The following NOS1AP variants were observed in gnomAD, a reference collection of about 807,000 sequenced individuals.
The protein encoded by NOS1AP is nitric oxide synthase 1 adaptor protein, also known as carboxyl-terminal PDZ ligand of neuronal nitric oxide synthase protein.
NOS1AP carries 21 observed loss-of-function variants against 56.2 expected under a neutral mutation model. The observed-to-expected ratio is 0.37, with a 90% confidence interval of 0.26 to 0.54. The LOEUF is 0.54. Among genes scored for constraint, NOS1AP ranks in the 20% least tolerant of loss-of-function variants. The pLI, the probability that NOS1AP is intolerant of heterozygous loss-of-function variation, is 0.84. For synonymous variants in NOS1AP, 270 were observed against 274.6 expected (o/e 0.98, Z 0.17); for missense variants, 522 against 657.8 (o/e 0.79, Z 2.26).
chr1:162,081,572 G>A (rs1343840957), intron 1 of NOS1AP, among the ~76,000 whole-genome samples: 2 of 148,416 alleles, frequency 1.3e-5, no homozygotes, highest in Non-Finnish European at 3.0e-5. Flanking sequence ...TTTGAGATGG[G>A]ATTTTACTCT....
chr1:162,110,717 G>T (rs1292259031), intron 1 of NOS1AP, among the ~76,000 whole-genome samples: 1 of 152,122 alleles, frequency 6.6e-6, no homozygotes, highest in Non-Finnish European at 1.5e-5. Flanking sequence ...TGTGTGACAG[G>T]CATGTTTGGA....
chr1:162,081,771 TA>T (rs1401260497), intron 1 of NOS1AP, among the ~76,000 whole-genome samples: 6,609 of 51,474 alleles, frequency 0.13, 435 homozygotes, highest in Middle Eastern at 0.18. Context: ...TATATATATA[TA>T]TATTTTTTTT....
Position 162,073,650 on chromosome 1 carries a change from G to A in NOS1AP, c.105+3368G>A, listed in dbSNP as rs556620009. 4.6e-5 allele frequency among the ~76,000 whole-genome samples: 7 copies of A among 152,250 alleles called. No homozygotes were observed. The South Asian group carries it at 1.0e-3, about 23-fold the overall frequency. ...TAATTTTGTATTTTTTGTAGAGATG[G>A]GGCTTTCTCCGTTTTGGTCAGGCTG... On this transcript the variant is annotated intron_variant, in intron 1 of 9. Transcript: ENST00000361897.
intron 3 of NOS1AP, among the ~76,000 whole-genome samples, chr1:162,295,628 A>T (rs1478235870): frequency 6.6e-6 from 1 of 152,176 alleles, no homozygotes; most frequent in Non-Finnish European, 1.5e-5. Context: ...TGCAAAACAT[A>T]GGCAATAAGA....
chr1:162,176,781 C>G (rs1445029473), intron 2 of NOS1AP, among the ~76,000 whole-genome samples: 1 of 152,130 alleles, frequency 6.6e-6, no homozygotes, highest in Non-Finnish European at 1.5e-5. Context: ...CAGGTGTGAT[C>G]CACTGCGCCC....
intron 2 of NOS1AP, among the ~76,000 whole-genome samples, chr1:162,200,500 G>A (rs1651958990): frequency 6.6e-6 from 1 of 152,176 alleles, no homozygotes; most frequent in Non-Finnish European, 1.5e-5. Flanking sequence ...TGTATATTTT[G>A]TGAGACCCTG....
chr1:162,314,593 A>G (rs1207011579), intron 4 of NOS1AP, among the ~76,000 whole-genome samples: 2 of 152,280 alleles, frequency 1.3e-5, no homozygotes, highest in African/African-American at 4.8e-5. Flanking sequence ...AATAAAACAA[A>G]CACTTCTTTC....
intron 1 of NOS1AP, among the ~76,000 whole-genome samples, chr1:162,094,036 G>C (rs547572518): frequency 6.6e-6 from 1 of 152,180 alleles, no homozygotes; most frequent in Non-Finnish European, 1.5e-5. Context: ...CTCAATAGGC[G>C]TAAGTGCTTG....
chr1:162,330,700 C>T (rs1306602037), intron 4 of NOS1AP, among the ~76,000 whole-genome samples: 1 of 152,146 alleles, frequency 6.6e-6, no homozygotes, highest in East Asian at 1.9e-4. Context: ...TTAAAAATAA[C>T]ACTTTGCTGG....
chr1:162,203,398 C>T (rs925247161), intron 2 of NOS1AP, among the ~76,000 whole-genome samples: 2 of 152,158 alleles, frequency 1.3e-5, no homozygotes, highest in Non-Finnish European at 2.9e-5. Context: ...CAAAGCAGAG[C>T]TGGGATTAGG....
chr1:162,109,892 A>G lies in NOS1AP; in HGVS notation c.105+39610A>G, dbSNP rs560762071. On this transcript the variant is annotated intron_variant, in intron 1 of 9. Coordinates refer to ENST00000361897, the MANE Select transcript of NOS1AP (RefSeq NM_014697.3). ...GAGACCATTTGAAAGATGACTTCTTAATCTAGATTATGATTCTCTTTTAAT... is the reference window on the plus strand; with the variant it reads ...GAGACCATTTGAAAGATGACTTCTTGATCTAGATTATGATTCTCTTTTAAT... Among the ~76,000 whole-genome samples the G allele has an allele frequency of 2.6e-5, 4 of 152,298 alleles. No homozygotes were observed. In the South Asian group the frequency reaches 6.2e-4, roughly 24 times the overall value.
Position 162,317,573 on chromosome 1 carries a change from G to A in NOS1AP, c.345-15444G>A, listed in dbSNP as rs146175958. On this transcript the variant is annotated intron_variant, in intron 4 of 9. Coordinates refer to ENST00000361897, the MANE Select transcript of NOS1AP (RefSeq NM_014697.3). ...AAAAGCTAAATGTAAAAGAGAGACT[G>A]CAAGACTCATAAACAGATCCCAAGA... Among the ~76,000 whole-genome samples the A allele has an allele frequency of 1.1e-4, 16 of 152,246 alleles. No homozygotes were observed. The East Asian group carries it at 2.9e-3, about 28-fold the overall frequency.
intron 2 of NOS1AP, among the ~76,000 whole-genome samples, chr1:162,167,647 T>C (rs1191104904): frequency 1.3e-5 from 2 of 152,234 alleles, no homozygotes; most frequent in Non-Finnish European, 2.9e-5. Flanking sequence ...CAGGCCATCC[T>C]TGGGGCAGCC....
intron 2 of NOS1AP, among the ~76,000 whole-genome samples, chr1:162,209,150 T>C (rs1395546342): frequency 6.6e-6 from 1 of 152,202 alleles, no homozygotes; most frequent in Non-Finnish European, 1.5e-5. Flanking sequence ...TTAAACCCCA[T>C]GGGGCCTCTG....
At chr1:162,172,777 G>A (rs184764746) in intron 2 of NOS1AP, among the ~76,000 whole-genome samples, 71 of 152,226 alleles carry the variant, frequency 4.7e-4, no homozygotes, top group Admixed American at 3.7e-3. Context: ...ACCAATGGAT[G>A]GTCATGAATC....
Position 162,321,731 on chromosome 1 carries a change from A to ATATAT in NOS1AP, c.345-11286_345-11285insTATAT, listed in dbSNP as rs1553205807. On this transcript the variant is annotated intron_variant, in intron 4 of 9. Coordinates refer to ENST00000361897, the MANE Select transcript of NOS1AP (RefSeq NM_014697.3). ...CTTAAAGTATAATTAAAAAAAAAAAAATATATATATATATATATATAAAAG... is the reference window on the plus strand; with the variant it reads ...CTTAAAGTATAATTAAAAAAAAAAAATATATATATATATATATATATATATAAAAG... 2.7e-3 allele frequency among the ~76,000 whole-genome samples: 343 copies of ATATAT among 128,460 alleles called. 1 individual carries two copies. Among genetic ancestry groups the ATATAT allele is most frequent in the African/African-American group, 9.0e-3 (310 of 34,526 alleles). 84.3% of individuals were successfully genotyped at this position (128,460 alleles called of 152,430 possible).
chr1:162,089,381 T>A (rs1397857376), intron 1 of NOS1AP, among the ~76,000 whole-genome samples: 2 of 152,304 alleles, frequency 1.3e-5, no homozygotes, highest in East Asian at 3.9e-4. Context: ...CTCAGAATAG[T>A]AGTACAAACA....
chr1:162,158,095 T>A (rs1029923124), intron 2 of NOS1AP, among the ~76,000 whole-genome samples: 4 of 152,196 alleles, frequency 2.6e-5, no homozygotes, highest in Non-Finnish European at 5.9e-5. Context: ...GTGTCACAGA[T>A]CTCTAGAACT....
Position 162,340,224 on chromosome 1 carries a change from A to G in NOS1AP, c.454-3611A>G, listed in dbSNP as rs117593721. 6.0e-4 allele frequency among the ~76,000 whole-genome samples: 91 copies of G among 152,250 alleles called. 1 individual carries two copies. In the East Asian group the frequency reaches 0.015, roughly 26 times the overall value. On this transcript the variant is annotated intron_variant, in intron 5 of 9. Coordinates refer to ENST00000361897, the MANE Select transcript of NOS1AP (RefSeq NM_014697.3). ...AGGAGTAAAATAAAGGATAAATTAAACCATTTAATTTATTAATTTAATTAT... is the reference window on the plus strand; with the variant it reads ...AGGAGTAAAATAAAGGATAAATTAAGCCATTTAATTTATTAATTTAATTAT...
Sources: allele counts gnomAD v4.1 joint callset (sites outside exome capture counted in the v4.1 genomes callset), GRCh38; gene constraint gnomAD v4.1.1; transcripts MANE v1.5; gene names NCBI Gene and HGNC (gene_info 2026-07-23, HGNC 2026-07-21).